The following RP1 variants were observed in gnomAD, a reference collection of about 807,000 sequenced individuals.
The protein encoded by RP1 is oxygen-regulated protein 1.
RP1 carries 16 observed loss-of-function variants against 14.8 expected under a neutral mutation model. The observed-to-expected ratio is 1.08, with a 90% CI of 0.73 to 1.65. The LOEUF (loss-of-function observed/expected upper bound fraction) is 1.65, where lower values mean the gene tolerates loss of function less well. Ranked by LOEUF, RP1 falls within the 40% of genes most tolerant of loss-of-function variation. The pLI is 0.00. For missense variants in RP1, 2,631 were observed against 2,535.0 expected (o/e 1.04, Z -0.81); for synonymous variants, 876 against 883.6 (o/e 0.99, Z 0.15).
chr8:54,827,446 C>A (rs1811409147), intron 24 of RP1, among the ~76,000 whole-genome samples: 2 of 151,992 alleles, frequency 1.3e-5, no homozygotes, highest in Non-Finnish European at 2.9e-5. Context: ...CCCACCTCAG[C>A]CTTCTCCCAA....
chr8:54,867,994 A>G (rs1466499703), intron 28 of RP1, among the ~76,000 whole-genome samples: 1 of 152,180 alleles, frequency 6.6e-6, no homozygotes, highest in Non-Finnish European at 1.5e-5. Flanking sequence ...GTATCATATG[A>G]AGCTGTGTTT....
intron 3 of RP1, among the ~76,000 whole-genome samples, chr8:54,640,470 A>C (rs1005210508): frequency 6.6e-6 from 1 of 152,246 alleles, no homozygotes; most frequent in East Asian, 1.9e-4. Context: ...TCCTTTTTAA[A>C]CTGCTAAACC....
intron 24 of RP1, among the ~76,000 whole-genome samples, chr8:54,833,091 T>C (rs1811571798): frequency 6.6e-6 from 1 of 152,022 alleles, no homozygotes; most frequent in African/African-American, 2.4e-5. Context: ...GGTCTAGGAT[T>C]TGACTGGCAT....
chr8:54,628,030 G>A lies in RP1; in HGVS notation c.4148G>A (p.Gly1383Glu). ...NILTDPEYKN[G>E]FNTLVSHQNV... ...TTGACAGACCCTGAATATAAAAATG[G>A]ATTTAATACATTGGTGTCACATCAA... The change falls in exon 4 of 4, where the codon GGA (glycine) becomes GAA (glutamate). Residue 1383 changes from glycine (G) to glutamate (E), a missense_variant. Transcript: ENST00000220676. 1.2e-6 allele frequency: 2 copies of A among 1,613,954 alleles called. No homozygotes were observed. The highest frequency in any genetic ancestry group is 1.7e-6 in the Non-Finnish European group (2 of 1,179,926).
Position 54,625,476 on chromosome 8 carries a change from G to T in RP1, c.1594G>T (p.Glu532Ter). ...TGATCAAATGGAGGAGTCATCATTA[G>T]AAAGAAAAAAGGAAAACAGTCTGCT... Reference protein sequence around the residue: ...NNDQMEESSLERKKENSLLKS... With the variant: ...NNDQMEESSL The change falls in exon 4 of 4, where the codon GAA (glutamate) becomes TAA (stop). Residue 532 changes from glutamate (E) to a stop codon, truncating the protein, a stop_gained. Coordinates refer to ENST00000220676, the MANE Select transcript of RP1 (RefSeq NM_006269.2). LOFTEE classifies it low-confidence loss of function (END_TRUNC). 6.2e-7 allele frequency: 1 copy of T among 1,613,810 alleles called. No individual in the cohort carries two copies. The highest frequency in any genetic ancestry group is 8.5e-7 in the Non-Finnish European group (1 of 1,179,976).
chr8:54,675,662 A>G (rs1390691488), intron 8 of RP1, among the ~76,000 whole-genome samples: 1 of 152,206 alleles, frequency 6.6e-6, no homozygotes, highest in Non-Finnish European at 1.5e-5. Context: ...GTAAAAAAAA[A>G]TTAGTCATTT....
upstream of RP1, among the ~76,000 whole-genome samples, chr8:54,615,431 A>G (rs1805692496): frequency 6.6e-6 from 1 of 152,222 alleles, no homozygotes; most frequent in Admixed American, 6.5e-5. Context: ...AAGTCCGATT[A>G]GACCACAGGT....
At chr8:54,711,859 A>C (rs970298459) in intron 15 of RP1, among the ~76,000 whole-genome samples, 2 of 152,198 alleles carry the variant, frequency 1.3e-5, no homozygotes, top group African/African-American at 4.8e-5. Context: ...AAAGCATACA[A>C]ATTCACTTCA....
rs184591318 is a variant in RP1 at position 54,578,627 on chromosome 8, T to A, written c.-13+19307T>A. On this transcript the variant is annotated intron_variant, in intron 1 of 22. Transcript: ENST00000636932. ...ATTTTACTCTGGAAGTGAAATATTTTAAAATTTCTAATGAAGGTCCCAGGA... is the reference window on the plus strand; with the variant it reads ...ATTTTACTCTGGAAGTGAAATATTTAAAAATTTCTAATGAAGGTCCCAGGA... Among the ~76,000 whole-genome samples the A allele has an allele frequency of 2.1e-3, 326 of 152,360 alleles. 5 individuals carry two copies. The South Asian group carries it at 0.041, about 19-fold the overall frequency.
intron 24 of RP1, among the ~76,000 whole-genome samples, chr8:54,826,390 A>G (rs554946463): frequency 1.1e-3 from 169 of 152,196 alleles, no homozygotes; most frequent in Non-Finnish European, 2.0e-3. Flanking sequence ...GCACTGATTT[A>G]TCTTCTGTCT....
intron 12 of RP1, among the ~76,000 whole-genome samples, chr8:54,687,322 T>C (rs150371441): frequency 1.3e-3 from 199 of 152,238 alleles, no homozygotes; most frequent in African/African-American, 4.6e-3. Flanking sequence ...AAAATATTTT[T>C]TATTATACTT....
intron 7 of RP1, among the ~76,000 whole-genome samples, chr8:54,667,426 G>T (rs1026453806): frequency 6.6e-6 from 1 of 152,140 alleles, no homozygotes; most frequent in East Asian, 1.9e-4. Context: ...GAAAAACAGA[G>T]GCCAGCCCTG....
At chr8:54,562,215 A>G (rs1804300188) in intron 1 of RP1, among the ~76,000 whole-genome samples, 1 of 152,246 alleles carries the variant, frequency 6.6e-6, no homozygotes, top group Non-Finnish European at 1.5e-5. Flanking sequence ...CACATGTAAA[A>G]CTAGTGAATA....
chr8:54,683,391 G>C (rs1323877287), intron 12 of RP1, among the ~76,000 whole-genome samples: 1 of 152,050 alleles, frequency 6.6e-6, no homozygotes, highest in Non-Finnish European at 1.5e-5. Context: ...AATTACTTTG[G>C]GCAGTGTGGC....
chr8:54,865,535 GC>G (rs1415583787), intron 27 of RP1, among the ~76,000 whole-genome samples: 2 of 151,996 alleles, frequency 1.3e-5, no homozygotes, highest in African/African-American at 4.8e-5. Context: ...TAACTGAAAT[GC>G]ATTTATGTGA....
rs1243433090 is a variant in RP1, at chr8:54,649,038, A to G, written c.841A>G (p.Ser281Gly). The G allele has an allele frequency of 2.0e-6, 3 of 1,530,698 alleles. No individual in the cohort carries two copies. The Admixed American group carries it at 6.0e-5, about 31-fold the overall frequency. The allele number at this position is 1,530,698 out of a possible 1,614,324, so 94.8% of individuals were successfully genotyped here. ...CAGTGACTTGCCAGATGCAGGGACC[A>G]GCTCACAGATTTATATTATTCTGTA... The change falls in exon 4 of 23, where the codon AGC (serine) becomes GGC (glycine). Residue 281 changes from serine (S) to glycine (G), a missense_variant. Ser to Gly is a moderately conservative substitution (Grantham distance 56, BLOSUM62 0). Transcript: ENST00000636932.
chr8:54,713,860 C>G (rs553479559), intron 15 of RP1, among the ~76,000 whole-genome samples: 1 of 152,122 alleles, frequency 6.6e-6, no homozygotes, highest in Non-Finnish European at 1.5e-5. Context: ...TTTGAATTTT[C>G]TAAAAAATGG....
chr8:54,754,873 A>T, exon 20 of RP1: 1 of 1,528,428 alleles, frequency 6.5e-7, no homozygotes, highest in East Asian at 2.5e-5. Flanking sequence ...TCTCGGATTC[A>T]GGCAGATGGG....
At chr8:54,845,396 A>G (rs983245232) in intron 25 of RP1, among the ~76,000 whole-genome samples, 8 of 152,248 alleles carry the variant, frequency 5.3e-5, no homozygotes, top group East Asian at 3.9e-4. Flanking sequence ...GCAGATATTT[A>G]TGTATGCTAG....
Sources: gnomAD v4.1 joint callset for allele counts (sites outside exome capture counted in the v4.1 genomes callset) on GRCh38, gnomAD v4.1.1 for gene constraint, MANE v1.5 for transcripts, NCBI Gene and HGNC (gene_info 2026-07-23, HGNC 2026-07-21) for gene names.